Variants in PDE1A observed in about 807,000 individuals in gnomAD.
The protein encoded by PDE1A is dual specificity calcium/calmodulin-dependent 3',5'-cyclic nucleotide phosphodiesterase 1A.
Under a neutral mutation model 61.7 loss-of-function variants are expected in PDE1A, and 35 were observed. That is an observed-to-expected ratio of 0.57 (90% CI 0.43 to 0.75). The LOEUF is 0.75. PDE1A is among the 30% of genes least tolerant of loss of function. The pLI is 0.00. For missense variants in PDE1A, 597 were observed against 630.6 expected (o/e 0.95, Z 0.57); for synonymous variants, 232 against 213.2 (o/e 1.09, Z -0.77).
At chr2:182,189,587 C>T (rs948291884) in intron 10 of PDE1A, among the ~76,000 whole-genome samples, 1 of 149,852 alleles carries the variant, frequency 6.7e-6, no homozygotes, top group Non-Finnish European at 1.5e-5. Context: ...AACATTCTTA[C>T]ATTCAGTGTG....
chr2:182,324,054 A>G (rs1696888284), intron 1 of PDE1A, among the ~76,000 whole-genome samples: 2 of 152,172 alleles, frequency 1.3e-5, no homozygotes, highest in African/African-American at 2.4e-5. Context: ...ACCCATAAAT[A>G]TAGGTGGTGC....
chr2:182,647,101 G>A, the PDE1A span, among the ~76,000 whole-genome samples: 3 of 152,170 alleles, frequency 2.0e-5, no homozygotes, highest in African/African-American at 7.2e-5. Flanking sequence ...CCCACCTGTG[G>A]AACTGACCGA....
intron 1 of PDE1A, among the ~76,000 whole-genome samples, chr2:182,330,075 G>C (rs1697304472): frequency 6.6e-6 from 1 of 152,038 alleles, no homozygotes; most frequent in African/African-American, 2.4e-5. Flanking sequence ...GGGCATCGTG[G>C]CTCAACGTCT....
At position 182,212,290 on chromosome 2, in the gene PDE1A, T is replaced by C. The variant is rs539640529; in HGVS notation, c.777-6225A>G. On this transcript the variant is annotated intron_variant, in intron 7 of 13. Transcript: ENST00000351439. ...TTATATATATATACACACACACACATAGTGGAATGGCTAACTCAGGCTAAT... is the reference window on the plus strand; with the variant it reads ...TTATATATATATACACACACACACACAGTGGAATGGCTAACTCAGGCTAAT... Among the ~76,000 whole-genome samples the C allele has an allele frequency of 2.7e-3, 405 of 151,750 alleles. 1 individual carries two copies. Among genetic ancestry groups the C allele is most frequent in the African/African-American group, 9.5e-3 (395 of 41,376 alleles).
chr2:182,527,327 A>ATATAT (rs1559543429), upstream of PDE1A, among the ~76,000 whole-genome samples: 1 of 20,716 alleles, frequency 4.8e-5, no homozygotes, highest in African/African-American at 2.2e-4. Flanking sequence ...AAAAAAAAAA[A>ATATAT]ATATATATAT....
chr2:182,145,171 C>T (rs569207443), downstream of PDE1A, among the ~76,000 whole-genome samples: 1 of 152,152 alleles, frequency 6.6e-6, no homozygotes, highest in Non-Finnish European at 1.5e-5. Context: ...TTAACTTTGA[C>T]ATAATTCCTT....
chr2:182,478,811 A>G (rs1423936452), intron 2 of PDE1A, among the ~76,000 whole-genome samples: 1 of 151,890 alleles, frequency 6.6e-6, no homozygotes, highest in Non-Finnish European at 1.5e-5. Context: ...TAGAGTGAAC[A>G]CTTCACATCT....
At chr2:182,318,987 A>G (rs989670022) in intron 1 of PDE1A, among the ~76,000 whole-genome samples, 4 of 152,284 alleles carry the variant, frequency 2.6e-5, no homozygotes, top group Admixed American at 2.0e-4. Context: ...GCCTTGGAGA[A>G]TGAAGATATT....
intron 2 of PDE1A, among the ~76,000 whole-genome samples, chr2:182,439,478 A>C (rs1022774822): frequency 6.6e-6 from 1 of 151,978 alleles, no homozygotes; most frequent in Non-Finnish European, 1.5e-5. Flanking sequence ...GAGAATTGGG[A>C]GTCAGGAGGA....
chr2:182,276,519 T>A (rs575910492), intron 1 of PDE1A, among the ~76,000 whole-genome samples: 4 of 152,102 alleles, frequency 2.6e-5, no homozygotes, highest in Non-Finnish European at 5.9e-5. Flanking sequence ...AATCCTGTTA[T>A]CTTCGTAATC....
At chr2:182,358,634 C>T (rs747708159) in intron 1 of PDE1A, among the ~76,000 whole-genome samples, 3 of 152,050 alleles carry the variant, frequency 2.0e-5, no homozygotes, top group African/African-American at 4.8e-5. Flanking sequence ...TATTACACTA[C>T]GAGTTTTTTG....
intron 2 of PDE1A, among the ~76,000 whole-genome samples, chr2:182,433,766 T>C (rs1364721449): frequency 6.6e-6 from 1 of 152,106 alleles, no homozygotes; most frequent in Non-Finnish European, 1.5e-5. Context: ...CTCGTGTACC[T>C]GTACCCTTCA....
intron 13 of PDE1A, among the ~76,000 whole-genome samples, chr2:182,171,210 G>A (rs1212856022): frequency 6.6e-6 from 1 of 151,920 alleles, no homozygotes; most frequent in East Asian, 1.9e-4. Flanking sequence ...TACAAATGTA[G>A]GTCATAGGTA....
chr2:182,149,831 G>A (rs1690685921), intron 13 of PDE1A, among the ~76,000 whole-genome samples: 1 of 152,084 alleles, frequency 6.6e-6, no homozygotes, highest in Admixed American at 6.6e-5. Flanking sequence ...GGTTCCAAAT[G>A]GTTTTGAATC....
the PDE1A span, among the ~76,000 whole-genome samples, chr2:182,694,991 A>T: frequency 1.3e-5 from 2 of 152,144 alleles, no homozygotes; most frequent in Admixed American, 1.3e-4. Context: ...AATCTAAAAA[A>T]TGGTTACCAT....
At position 182,218,044 on chromosome 2, in the gene PDE1A, A is replaced by T. The variant is rs1452665632; in HGVS notation, c.776+5820T>A. On this transcript the variant is annotated intron_variant, in intron 7 of 13. Coordinates refer to ENST00000351439, the Ensembl canonical transcript of PDE1A. ...CAAATGTCCAACAATGATAGACTGG[A>T]TTAAGAAAATGTGGCACATATACAC... Among the ~76,000 whole-genome samples, 4 of 148,914 alleles carry T rather than the reference A, an allele frequency of 2.7e-5. No homozygotes were observed. The South Asian group carries it at 8.5e-4, about 32-fold the overall frequency.
At chr2:182,246,499 G>C (rs550884209) in intron 2 of PDE1A, among the ~76,000 whole-genome samples, 77 of 140,066 alleles carry the variant, frequency 5.5e-4, no homozygotes, top group Non-Finnish European at 1.0e-3. Context: ...TGCCTCCCAT[G>C]TTCAAGCGAT....
the PDE1A span, among the ~76,000 whole-genome samples, chr2:182,541,149 A>T: frequency 6.6e-6 from 1 of 152,222 alleles, no homozygotes; most frequent in Non-Finnish European, 1.5e-5. Context: ...ATCTAAACAT[A>T]CTGAAAGTCA....
intron 2 of PDE1A, among the ~76,000 whole-genome samples, chr2:182,459,833 A>G (rs1686161171): frequency 6.6e-6 from 1 of 152,180 alleles, no homozygotes; most frequent in Admixed American, 6.5e-5. Flanking sequence ...TTTTTTTCTC[A>G]AAACGCTGAG....
Sources: allele counts gnomAD v4.1 joint callset (sites outside exome capture counted in the v4.1 genomes callset), GRCh38; gene constraint gnomAD v4.1.1; transcripts MANE v1.5; gene names NCBI Gene and HGNC (gene_info 2026-07-23, HGNC 2026-07-21).